Variants in ANP32B observed in about 807,000 individuals in gnomAD.
ANP32B encodes the protein acidic leucine-rich nuclear phosphoprotein 32 family member B.
In ANP32B, 6 loss-of-function variants were observed where a neutral mutation model predicts 32.2. The observed-to-expected ratio is 0.19, with a 90% confidence interval of 0.10 to 0.37. The LOEUF is 0.37. Among genes scored for constraint, ANP32B ranks in the 10% least tolerant of loss-of-function variants. The probability of loss-of-function intolerance (pLI) is 1.00; values close to 1 mark genes in which losing one functional copy is unlikely to be tolerated. For synonymous variants in ANP32B, 98 were observed against 105.8 expected (o/e 0.93, Z 0.45); for missense variants, 204 against 289.2 (o/e 0.71, Z 2.14).
Position 98,011,261 on chromosome 9 carries a change from C to T in ANP32B, c.518-10C>T, listed in dbSNP as rs750071453. The T allele has an allele frequency of 3.2e-6, 5 of 1,550,886 alleles. No individual in the cohort carries two copies. Among genetic ancestry groups the T allele is most frequent in the South Asian group, 1.2e-5 (1 of 83,908 alleles). ...GGATATTTAATGAATCCCTTTTGGA[C>T]TATTTTTAGAAGGAGAAGATGAGGA... On this transcript the variant is annotated splice_polypyrimidine_tract_variant and intron_variant, in intron 4 of 6. Transcript: ENST00000339399.
chr9:97,985,150 C>A (rs1438861429), intron 1 of ANP32B, among the ~76,000 whole-genome samples: 1 of 151,440 alleles, frequency 6.6e-6, no homozygotes, highest in Non-Finnish European at 1.5e-5. Context: ...CCGCGGAGGG[C>A]GGCCCCGCGG....
intron 1 of ANP32B, among the ~76,000 whole-genome samples, chr9:97,994,403 G>GT (rs1257416644): frequency 2.6e-5 from 4 of 152,198 alleles, no homozygotes; most frequent in African/African-American, 9.7e-5. Flanking sequence ...AACAAAGAGC[G>GT]TAAGTGTTTA....
In ANP32B at chr9:98,011,259, G is replaced by A. The variant is rs938985042; in HGVS notation, c.518-12G>A. On this transcript the variant is annotated splice_polypyrimidine_tract_variant and intron_variant, in intron 4 of 6. Transcript: ENST00000339399. ...GAGGATATTTAATGAATCCCTTTTG[G>A]ACTATTTTTAGAAGGAGAAGATGAG... The A allele has an allele frequency of 1.3e-6, 2 of 1,551,122 alleles. No individual in the cohort carries two copies. The highest frequency in any genetic ancestry group is 1.4e-5 in the African/African-American group (1 of 72,926).
intron 2 of ANP32B, among the ~76,000 whole-genome samples, chr9:97,997,970 G>A (rs901532729): frequency 6.6e-6 from 1 of 152,206 alleles, no homozygotes; most frequent in Non-Finnish European, 1.5e-5. Flanking sequence ...CCTCCAGGGA[G>A]CTGGTTTCAT....
At chr9:98,000,201 A>G (rs1827967019) in intron 3 of ANP32B, among the ~76,000 whole-genome samples, 1 of 151,136 alleles carries the variant, frequency 6.6e-6, no homozygotes, top group African/African-American at 2.4e-5. Context: ...CTGGTCTTGA[A>G]CTCCTGCCCT....
At chr9:97,985,633 A>G (rs138684194) in intron 1 of ANP32B, among the ~76,000 whole-genome samples, 105 of 152,360 alleles carry the variant, frequency 6.9e-4, no homozygotes, top group African/African-American at 2.2e-3. Context: ...GTCTTCAGAA[A>G]TGCGTTAAAA....
chr9:97,994,334 T>C (rs1226720496), intron 1 of ANP32B, among the ~76,000 whole-genome samples: 1 of 152,202 alleles, frequency 6.6e-6, no homozygotes, highest in Non-Finnish European at 1.5e-5. Context: ...AGAAAAGAAA[T>C]AAGGGGAATA....
In ANP32B at chr9:98,015,859, T is replaced by G. The variant is rs1425373236; in HGVS notation, c.*428T>G. On this transcript the variant is annotated 3_prime_UTR_variant, in exon 7 of 7. Coordinates refer to ENST00000339399, the MANE Select transcript of ANP32B (RefSeq NM_006401.3). ...GCTTTTTAATTATTATTATTATTTT[T>G]TTTACATTAGGACATTTTATGTGAC... 5.2e-6 allele frequency: 5 copies of G among 964,282 alleles called. No individual in the cohort carries two copies. The Admixed American group carries it at 3.1e-4, about 59-fold the overall frequency. 59.7% of individuals were successfully genotyped at this position (964,282 alleles called of 1,614,324 possible). A position where few individuals can be genotyped will look rare whatever the true frequency, so the allele number is the denominator to read the frequency against.
intron 2 of ANP32B, among the ~76,000 whole-genome samples, chr9:97,996,209 C>T (rs1236727534): frequency 6.6e-6 from 1 of 152,188 alleles, no homozygotes; most frequent in East Asian, 1.9e-4. Context: ...TTTACATAAA[C>T]TTGATGCTAG....
At position 97,991,939 on chromosome 9, in the gene ANP32B, A is replaced by G. The variant is rs147633957; in HGVS notation, c.55-2692A>G. On this transcript the variant is annotated intron_variant, in intron 1 of 6. Coordinates refer to ENST00000339399, the MANE Select transcript of ANP32B (RefSeq NM_006401.3). ...CAGGTTTTCATCTTAGTCCCCCACA[A>G]TTGTGACACAAACCTCTGTACAATA... Among the ~76,000 whole-genome samples, 108 of 152,298 alleles carry G rather than the reference A, an allele frequency of 7.1e-4. 1 individual carries two copies. Among genetic ancestry groups the G allele is most frequent in the African/African-American group, 2.5e-3 (103 of 41,564 alleles).
At chr9:97,992,518 G>C (rs1384610302) in intron 1 of ANP32B, among the ~76,000 whole-genome samples, 2 of 152,250 alleles carry the variant, frequency 1.3e-5, no homozygotes, top group Admixed American at 6.5e-5. Flanking sequence ...TGTGAGCTGA[G>C]AGGCAGTGTG....
At chr9:98,007,504 G>A (rs1451063084) in intron 4 of ANP32B, among the ~76,000 whole-genome samples, 1 of 152,220 alleles carries the variant, frequency 6.6e-6, no homozygotes, top group Non-Finnish European at 1.5e-5. Flanking sequence ...ATTTTCAGGA[G>A]GATGTGCATG....
Position 98,011,385 on chromosome 9 carries a change from A to G in ANP32B, c.632A>G (p.Glu211Gly). 2.5e-6 allele frequency: 4 copies of G among 1,586,960 alleles called. No homozygotes were observed. Among genetic ancestry groups the G allele is most frequent in the Non-Finnish European group, 3.4e-6 (4 of 1,163,116 alleles). The change falls in exon 5 of 7, where the codon GAG (glutamate) becomes GGG (glycine). Residue 211 changes from glutamate (E) to glycine (G), a missense_variant. Transcript: ENST00000339399. ...GATGAGGACGACGATGAAGTCAGTG[A>G]GGAGGTCAGTGCAGCTGTTTTCTAC... is the stretch of plus-strand genomic sequence containing the variant. The part of the protein sequence containing the change: ...EGDEDDDEVS[E>G]EEEEFGLDEE...
At chr9:98,000,143 C>T (rs1827965376) in intron 3 of ANP32B, among the ~76,000 whole-genome samples, 1 of 152,128 alleles carries the variant, frequency 6.6e-6, no homozygotes, top group South Asian at 2.1e-4. Context: ...TCTCTTTGTG[C>T]ATGTGTATAT....
chr9:97,995,489 G>A (rs1460655171), intron 2 of ANP32B, among the ~76,000 whole-genome samples: 1 of 152,208 alleles, frequency 6.6e-6, no homozygotes, highest in Non-Finnish European at 1.5e-5. Context: ...TAAGGCACAC[G>A]TAGAAGGAAA....
intron 1 of ANP32B, among the ~76,000 whole-genome samples, chr9:97,989,592 T>C (rs1341195781): frequency 1.3e-5 from 2 of 152,140 alleles, no homozygotes; most frequent in East Asian, 3.9e-4. Context: ...TCTGGGAGGA[T>C]TTGAGATATA....
chr9:97,987,364 A>T (rs1022554595), intron 1 of ANP32B, among the ~76,000 whole-genome samples: 1 of 152,210 alleles, frequency 6.6e-6, no homozygotes, highest in African/African-American at 2.4e-5. Context: ...TATATAAAAT[A>T]TTGGCAGTTC....
chr9:98,013,922 A>T (rs1425318307), intron 6 of ANP32B, among the ~76,000 whole-genome samples: 2 of 151,890 alleles, frequency 1.3e-5, no homozygotes, highest in African/African-American at 4.8e-5. Flanking sequence ...TGGGAAGCTG[A>T]GGTGGGAGGA....
intron 4 of ANP32B, among the ~76,000 whole-genome samples, chr9:98,007,135 A>T (rs993673497): frequency 6.6e-6 from 1 of 152,258 alleles, no homozygotes; most frequent in Non-Finnish European, 1.5e-5. Flanking sequence ...ACTTCATCAA[A>T]TGTGACTGCA....
Sources: allele counts gnomAD v4.1 joint callset (sites outside exome capture counted in the v4.1 genomes callset), GRCh38; gene constraint gnomAD v4.1.1; transcripts MANE v1.5; gene names NCBI Gene and HGNC (gene_info 2026-07-23, HGNC 2026-07-21).